PDXDC1: variants seen among roughly 807,000 people sequenced by gnomAD.
PDXDC1 encodes the protein pyridoxal-dependent decarboxylase domain-containing protein 1.
In PDXDC1, 42 loss-of-function variants were observed where a neutral mutation model predicts 100.1. The observed-to-expected ratio is 0.42, with a 90% CI of 0.33 to 0.54. PDXDC1 has a LOEUF of 0.54. PDXDC1 is among the 20% of genes least tolerant of loss of function. The probability of loss-of-function intolerance (pLI) is 0.10; values close to 1 mark genes in which losing one functional copy is unlikely to be tolerated. For synonymous variants in PDXDC1, 260 were observed against 371.7 expected (o/e 0.70, Z 3.46); for missense variants, 636 against 979.2 (o/e 0.65, Z 4.68).
At chr16:15,002,474 G>A (rs2151372905) in intron 4 of PDXDC1, among the ~76,000 whole-genome samples, 1 of 152,414 alleles carries the variant, frequency 6.6e-6, no homozygotes, top group South Asian at 2.1e-4. Flanking sequence ...CTTATGTCTT[G>A]GAGTTCACTG....
chr16:14,994,849 C>T (rs1245788430), intron 1 of PDXDC1, among the ~76,000 whole-genome samples: 77 of 152,374 alleles, frequency 5.1e-4, no homozygotes, highest in African/African-American at 1.3e-3. Flanking sequence ...TTGAAGAGGT[C>T]GTTCACATCC....
At chr16:15,043,877 G>A (rs149498293) in intron 16 of PDXDC1, among the ~76,000 whole-genome samples, 97 of 152,154 alleles carry the variant, frequency 6.4e-4, no homozygotes, top group African/African-American at 2.2e-3. Context: ...GAACCCAGGA[G>A]GCAGAGCTTG....
downstream of PDXDC1, among the ~76,000 whole-genome samples, chr16:15,042,723 T>TATTTA (rs2043873804): frequency 7.6e-6 from 1 of 132,402 alleles, no homozygotes; most frequent in South Asian, 2.2e-4. Flanking sequence ...ATGAACTATT[T>TATTTA]ATTTATTTAT....
chr16:15,131,474 C>T (rs952368793), intron 16 of PDXDC1: 45 of 1,607,108 alleles, frequency 2.8e-5, no homozygotes, highest in South Asian at 7.7e-5. Flanking sequence ...GGCCCTGGGG[C>T]GCCGCCATAG....
rs2046948186 is a variant in PDXDC1, at chr16:15,109,605, C to G, written c.1400-29274C>G. 6.4e-5 allele frequency among the ~76,000 whole-genome samples: 7 copies of G among 109,712 alleles called. No homozygotes were observed. The Admixed American group carries it at 9.4e-4, about 15-fold the overall frequency. 72.0% of individuals were successfully genotyped at this position (109,712 alleles called of 152,430 possible). On this transcript the variant is annotated intron_variant, in intron 16 of 16. Coordinates refer to the PDXDC1 transcript ENST00000535621. ...CTGGGAGGCGGAGGTTGCAGTGAGC[C>G]AAGATCATGCCACTGCACTCTAGCC... is the stretch of plus-strand genomic sequence containing the variant.
In PDXDC1 at chr16:15,135,970, C is replaced by T. The variant is rs796937469; in HGVS notation, c.1400-2909C>T. ...GCAGGGCCACACGCGCCGGGCACCC[C>T]GGCTGGTGGGCCCGAGCCAGATGCA... On this transcript the variant is annotated intron_variant, in intron 16 of 16. Transcript: ENST00000535621. The T allele has an allele frequency of 6.4e-5, 101 of 1,574,052 alleles. 1 individual carries two copies. In the African/African-American group the frequency reaches 7.4e-4, roughly 12 times the overall value.
intron 16 of PDXDC1, among the ~76,000 whole-genome samples, chr16:15,053,904 T>C (rs2044394864): frequency 6.6e-6 from 1 of 152,062 alleles, no homozygotes; most frequent in Non-Finnish European, 1.5e-5. Context: ...AGAACAAAAC[T>C]AAGTCTCAAA....
intron 3 of PDXDC1, among the ~76,000 whole-genome samples, chr16:15,000,077 C>G (rs1297070128): frequency 6.6e-6 from 1 of 152,286 alleles, no homozygotes; most frequent in Non-Finnish European, 1.5e-5. Flanking sequence ...GAAGTGCATT[C>G]TCAGCTCAGA....
intron 16 of PDXDC1, among the ~76,000 whole-genome samples, chr16:15,068,550 CAT>C (rs942312881): frequency 1.6e-4 from 24 of 152,240 alleles, no homozygotes; most frequent in African/African-American, 4.8e-4. Context: ...ATGTGAAATT[CAT>C]ATGTTTGCAA....
intron 16 of PDXDC1, among the ~76,000 whole-genome samples, chr16:15,067,322 G>C (rs1291392451): frequency 7.0e-6 from 1 of 143,672 alleles, no homozygotes; most frequent in Non-Finnish European, 1.5e-5. Context: ...GCTTACAAAG[G>C]AGCCAGACTA....
At chr16:15,131,717 G>C in intron 16 of PDXDC1, 1 of 1,320,610 alleles carries the variant, frequency 7.6e-7, no homozygotes, top group Non-Finnish European at 1.0e-6. Context: ...CCTGCAGACA[G>C]ACGTGAGGTC....
intron 16 of PDXDC1, among the ~76,000 whole-genome samples, chr16:15,043,992 G>T (rs1597779200): frequency 1.3e-5 from 2 of 152,090 alleles, no homozygotes; most frequent in East Asian, 3.8e-4. Context: ...GGGAAAAAAT[G>T]GTATCATCAG....
intron 16 of PDXDC1, chr16:15,069,958 G>T: frequency 6.9e-7 from 1 of 1,449,696 alleles, no homozygotes. Flanking sequence ...GAGTGCACAT[G>T]CAGTTTTCTG....
intron 16 of PDXDC1, among the ~76,000 whole-genome samples, chr16:15,117,550 G>T (rs905226280): frequency 6.6e-6 from 1 of 151,316 alleles, no homozygotes; most frequent in Non-Finnish European, 1.5e-5. Context: ...CAAATTAGCT[G>T]GGCATGGTGG....
At chr16:15,068,176 T>C (rs752190884) in intron 16 of PDXDC1, 6 of 1,577,350 alleles carry the variant, frequency 3.8e-6, no homozygotes, top group South Asian at 3.5e-5. Context: ...TACTTTGTGA[T>C]TGCAGCAAAA....
downstream of PDXDC1, chr16:15,038,402 T>C: frequency 1.6e-6 from 1 of 624,518 alleles, no homozygotes. Flanking sequence ...CATCTAGGAC[T>C]TGACATATCC....
chr16:14,998,053 TTTAC>T (rs1360631561), intron 2 of PDXDC1, among the ~76,000 whole-genome samples: 1 of 152,294 alleles, frequency 6.6e-6, no homozygotes, highest in Non-Finnish European at 1.5e-5. Flanking sequence ...AAGAGTTTCA[TTTAC>T]TTAATATATT....
chr16:14,995,419 TTC>T (rs1432392728), intron 1 of PDXDC1, among the ~76,000 whole-genome samples: 18 of 152,292 alleles, frequency 1.2e-4, no homozygotes, highest in Admixed American at 2.6e-4. Flanking sequence ...TTGTTGTTGG[TTC>T]TGTTTATATG....
chr16:15,052,586 G>A (rs2044339023), intron 16 of PDXDC1, among the ~76,000 whole-genome samples: 1 of 152,204 alleles, frequency 6.6e-6, no homozygotes. Context: ...TGTAATCCCA[G>A]CACTTTGGAG....
Sources: allele counts gnomAD v4.1 joint callset (sites outside exome capture counted in the v4.1 genomes callset), GRCh38; gene constraint gnomAD v4.1.1; transcripts MANE v1.5; gene names NCBI Gene and HGNC (gene_info 2026-07-23, HGNC 2026-07-21).